The following IL2RA variants were observed in gnomAD, a reference collection of about 807,000 sequenced individuals.
IL2RA encodes interleukin-2 receptor subunit alpha.
A neutral mutation model predicts 37.8 loss-of-function variants in IL2RA; 24 were observed. The observed-to-expected ratio is 0.63, with a 90% CI of 0.46 to 0.89. The LOEUF (loss-of-function observed/expected upper bound fraction) is 0.89. Ranked by LOEUF, IL2RA falls within the 40% of genes least tolerant of loss-of-function variation. The probability of loss-of-function intolerance (pLI) is 0.00; values close to 1 mark genes in which losing one functional copy is unlikely to be tolerated. For missense variants in IL2RA, 319 were observed against 348.6 expected (o/e 0.92, Z 0.68); for synonymous variants, 125 against 114.6 (o/e 1.09, Z -0.58).
chr10:6,016,781 C>A (rs1839287214), intron 7 of IL2RA, among the ~76,000 whole-genome samples: 2 of 152,118 alleles, frequency 1.3e-5, no homozygotes, highest in Non-Finnish European at 2.9e-5. Context: ...AGCATGTTGT[C>A]CAGCCTGGTC....
Position 6,021,365 on chromosome 10 carries a change from C to A in IL2RA, c.583+113G>T, listed in dbSNP as rs1839384029. The A allele has an allele frequency of 2.2e-6, 2 of 915,216 alleles. No homozygotes were observed. The highest frequency in any genetic ancestry group is 1.6e-5 in the African/African-American group (1 of 60,898). 56.7% of individuals were successfully genotyped at this position (915,216 alleles called of 1,614,324 possible). A position where few individuals can be genotyped will look rare whatever the true frequency, so the allele number is the denominator to read the frequency against. On this transcript the variant is annotated intron_variant, in intron 4 of 7. Transcript: ENST00000379959. This position sits in a 1 kb window ranked among gnomAD's most constrained non-coding sequence, Gnocchi z 4.9. Reference sequence around the variant, plus strand: ...AGAAAAAATGGAAGCCCAGGGAGATCAAGGGTCTTGTCCAAGGACCACTCT... The same window carrying A: ...AGAAAAAATGGAAGCCCAGGGAGATAAAGGGTCTTGTCCAAGGACCACTCT...
chr10:6,060,202 C>T (rs1410351977), intron 1 of IL2RA, among the ~76,000 whole-genome samples: 1 of 152,184 alleles, frequency 6.6e-6, no homozygotes, highest in Non-Finnish European at 1.5e-5. Context: ...CATTGAAAAA[C>T]CTTCCTAAAA....
Position 6,020,084 on chromosome 10 carries a change from C to A in IL2RA, c.584-143G>T. 2 of 694,534 alleles carry A rather than the reference C, an allele frequency of 2.9e-6. No individual in the cohort carries two copies. Among genetic ancestry groups the A allele is most frequent in the Non-Finnish European group, 2.6e-6 (1 of 386,322 alleles). 43.0% of individuals were successfully genotyped at this position (694,534 alleles called of 1,614,324 possible). ...TGTGGGCACTTCGCCAGGGATGCCACCCCTCATGGTTCCACAGCAGGGGCA... is the reference window on the plus strand; with the variant it reads ...TGTGGGCACTTCGCCAGGGATGCCAACCCTCATGGTTCCACAGCAGGGGCA... On this transcript the variant is annotated intron_variant, in intron 4 of 7. Coordinates refer to ENST00000379959, the MANE Select transcript of IL2RA (RefSeq NM_000417.3). This position sits in a 1 kb window ranked among gnomAD's most constrained non-coding sequence, Gnocchi z 5.6.
chr10:6,058,927 G>T lies in IL2RA; in HGVS notation c.64+3161C>A. Among the ~76,000 whole-genome samples the T allele has an allele frequency of 6.6e-6, 1 of 152,116 alleles. No individual in the cohort carries two copies. The highest frequency in any genetic ancestry group is 1.9e-4 in the East Asian group (1 of 5,204). On this transcript the variant is annotated intron_variant, in intron 1 of 7. Coordinates refer to ENST00000379959, the MANE Select transcript of IL2RA (RefSeq NM_000417.3). This position sits in a 1 kb window ranked among gnomAD's most constrained non-coding sequence, Gnocchi z 4.2. ...CTCATAAACCCTTGCCATGTTAAATGGTGGCTTTGGAAATTTTCAGAATGA... is the reference window on the plus strand; with the variant it reads ...CTCATAAACCCTTGCCATGTTAAATTGTGGCTTTGGAAATTTTCAGAATGA...
rs1299523971 is a variant in IL2RA, at chr10:6,046,161, C to T, written c.64+15927G>A. ...TCCTTCCTGCTCTCAAGAATTCACA[C>T]TCCGTTTTACACAAGACACACATTG... On this transcript the variant is annotated intron_variant, in intron 1 of 7. Transcript: ENST00000379959. The surrounding 1 kb of genome is among the most constrained non-coding windows in gnomAD (Gnocchi z 4.8). Among the ~76,000 whole-genome samples the T allele has an allele frequency of 6.6e-6, 1 of 152,204 alleles. No individual in the cohort carries two copies. The highest frequency in any genetic ancestry group is 1.5e-5 in the Non-Finnish European group (1 of 68,044).
At chr10:6,059,954 T>G (rs997660955) in intron 1 of IL2RA, among the ~76,000 whole-genome samples, 7 of 152,178 alleles carry the variant, frequency 4.6e-5, no homozygotes, top group African/African-American at 1.7e-4. Flanking sequence ...TCCTATAGTG[T>G]TGAGGGGCAG....
rs1839462199 is a variant in IL2RA, at chr10:6,025,299, A to G, written c.256+535T>C. ...AACCCAGGAGGTGGAGGTTGCAGTGATCTGAGATTGTACCACCGCACCCCA... is the reference window on the plus strand; with the variant it reads ...AACCCAGGAGGTGGAGGTTGCAGTGGTCTGAGATTGTACCACCGCACCCCA... On this transcript the variant is annotated intron_variant, in intron 2 of 7. Coordinates refer to ENST00000379959, the MANE Select transcript of IL2RA (RefSeq NM_000417.3). This position sits in a 1 kb window ranked among gnomAD's most constrained non-coding sequence, Gnocchi z 4.4. Among the ~76,000 whole-genome samples, 1 of 152,136 alleles carries G rather than the reference A, an allele frequency of 6.6e-6. No homozygotes were observed. The highest frequency in any genetic ancestry group is 1.5e-5 in the Non-Finnish European group (1 of 68,042).
chr10:6,019,402 G>A (rs1383360583), intron 6 of IL2RA, 26 bp downstream of exon 6: 1 of 1,550,996 alleles, frequency 6.4e-7, no homozygotes, highest in East Asian at 2.2e-5. Context: ...TGTACATTTT[G>A]TCCACAAAGC....
Position 6,029,299 on chromosome 10 carries a change from G to A in IL2RA, c.65-3274C>T, listed in dbSNP as rs1589297609. Among the ~76,000 whole-genome samples the A allele has an allele frequency of 6.6e-6, 1 of 151,746 alleles. No individual in the cohort carries two copies. Among genetic ancestry groups the A allele is most frequent in the Non-Finnish European group, 1.5e-5 (1 of 67,942 alleles). On this transcript the variant is annotated intron_variant, in intron 1 of 7. Transcript: ENST00000379959. The surrounding 1 kb of genome is among the most constrained non-coding windows in gnomAD (Gnocchi z 4.6). ...CCTGCCTCAGCCTCCCAAGTAGCTG[G>A]GATTATAGGTGTGCGCCAACACGTC...
chr10:6,023,621 C>T (rs1434514921), intron 3 of IL2RA, among the ~76,000 whole-genome samples: 1 of 152,240 alleles, frequency 6.6e-6, no homozygotes, highest in African/African-American at 2.4e-5. Context: ...CAGGCGTGAG[C>T]CACTGCGCCC....
Position 6,012,446 on chromosome 10 carries a change from A to G in IL2RA, c.*426T>C, listed in dbSNP as rs1024227901. ...ATAGGGTAGAGTGTGTGTGTTGTGT[A>G]TTTACGTTAGTGCTGGGGCTTTCCT... On this transcript the variant is annotated 3_prime_UTR_variant, in exon 8 of 8. Transcript: ENST00000379959. The surrounding 1 kb of genome is among the most constrained non-coding windows in gnomAD (Gnocchi z 4.8). The G allele has an allele frequency of 3.8e-6, 1 of 262,786 alleles. No homozygotes were observed. Among genetic ancestry groups the G allele is most frequent in the African/African-American group, 2.2e-5 (1 of 45,510 alleles). 16.3% of individuals were successfully genotyped at this position (262,786 alleles called of 1,614,324 possible). A position where few individuals can be genotyped will look rare whatever the true frequency, so the allele number is the denominator to read the frequency against.
intron 1 of IL2RA, among the ~76,000 whole-genome samples, chr10:6,049,223 G>A (rs1003737078): frequency 6.6e-5 from 10 of 152,198 alleles, no homozygotes; most frequent in Non-Finnish European, 1.5e-4. Flanking sequence ...TGGAGAACCA[G>A]GAGTGCAAAT....
chr10:6,045,991 C>T (rs755801146), intron 1 of IL2RA, among the ~76,000 whole-genome samples: 6 of 152,186 alleles, frequency 3.9e-5, no homozygotes, highest in African/African-American at 4.8e-5. Flanking sequence ...AGGGCCGGTC[C>T]TGTTAACACA....
In IL2RA at chr10:6,021,564, C is replaced by T. The variant is rs796051887; in HGVS notation, c.497G>A (p.Ser166Asn). 5.0e-6 allele frequency: 8 copies of T among 1,614,106 alleles called. No individual in the cohort carries two copies. The highest frequency in any genetic ancestry group is 2.2e-5 in the East Asian group (1 of 44,880). Residue 166 changes from serine (S) to asparagine (N), a missense_variant, in exon 4 of 8, where the codon AGC becomes AAC. Physicochemically the swap from Ser to Asn is conservative, Grantham distance 46. Coordinates refer to ENST00000379959, the MANE Select transcript of IL2RA (RefSeq NM_000417.3). The surrounding 1 kb of genome is among the most constrained non-coding windows in gnomAD (Gnocchi z 4.9). The stretch of plus-strand genomic sequence containing the variant: ...CTTCCCGTGGGTCATTTTGCAGACG[C>T]TCTCAGCAGGACCTCTGTGTAGAGC... ...YRALHRGPAE[S>N]VCKMTHGKTR...
intron 1 of IL2RA, among the ~76,000 whole-genome samples, chr10:6,031,146 A>C (rs1458434436): frequency 2.0e-5 from 3 of 151,986 alleles, no homozygotes; most frequent in Non-Finnish European, 4.4e-5. Flanking sequence ...TAAATGGACA[A>C]AAATCCATAC....
Position 6,012,794 on chromosome 10 carries a change from T to C in IL2RA, c.*78A>G. ...GTCTCCTGGGCGACCATTTAGCACCTTTGATTTCACTTGGGCTTCATGACT... is the reference window on the plus strand; with the variant it reads ...GTCTCCTGGGCGACCATTTAGCACCCTTGATTTCACTTGGGCTTCATGACT... On this transcript the variant is annotated 3_prime_UTR_variant, in exon 8 of 8. Transcript: ENST00000379959. This position sits in a 1 kb window ranked among gnomAD's most constrained non-coding sequence, Gnocchi z 4.8. 2 of 1,475,698 alleles carry C rather than the reference T, an allele frequency of 1.4e-6. No individual in the cohort carries two copies. The highest frequency in any genetic ancestry group is 4.5e-5 in the East Asian group (2 of 44,210). 91.4% of individuals were successfully genotyped at this position (1,475,698 alleles called of 1,614,324 possible).
In IL2RA at chr10:6,062,189, G is replaced by A. The variant is rs1439472789; in HGVS notation, c.-38C>T. ...TGGGACCAGCCGGGGCAGTGAAGCG[G>A]AGGTCTTTCTCTGCAGAAGGCCCAG... On this transcript the variant is annotated 5_prime_UTR_variant, in exon 1 of 8. Coordinates refer to ENST00000379959, the MANE Select transcript of IL2RA (RefSeq NM_000417.3). The A allele has an allele frequency of 2.5e-6, 4 of 1,579,000 alleles. No individual in the cohort carries two copies. In the African/African-American group the frequency reaches 5.4e-5, roughly 21 times the overall value.
chr10:6,062,119 G>C lies in IL2RA; in HGVS notation c.33C>G (p.Leu11=). The C allele has an allele frequency of 6.2e-7, 1 of 1,614,050 alleles. No homozygotes were observed. The highest frequency in any genetic ancestry group is 8.5e-7 in the Non-Finnish European group (1 of 1,179,950). MDSYLLMWGL[L]TFIMVPGCQA... is the part of the protein sequence containing the mutation. ...GGCAGCCAGGCACCATGATGAACGT[G>C]AGCAGTCCCCACATCAGCAGGTATG... Residue 11 remains leucine (L), a synonymous_variant, in exon 1 of 8, where the codon CTC becomes CTG. Transcript: ENST00000379959.
intron 7 of IL2RA, among the ~76,000 whole-genome samples, chr10:6,013,913 T>C (rs929195119): frequency 6.7e-6 from 1 of 148,580 alleles, no homozygotes; most frequent in Non-Finnish European, 1.5e-5. Context: ...CTCACTGCAA[T>C]CTTGAACTGC....
Sources: gnomAD v4.1 joint callset for allele counts (sites outside exome capture counted in the v4.1 genomes callset) on GRCh38, gnomAD v4.1.1 for gene constraint, Gnocchi (gnomAD v3.1) non-coding constraint, MANE v1.5 for transcripts, NCBI Gene and HGNC (gene_info 2026-07-23, HGNC 2026-07-21) for gene names.